The following SLC2A14 variants were observed in gnomAD, a reference collection of about 807,000 sequenced individuals.
SLC2A14 encodes the protein solute carrier family 2 member 14.
In SLC2A14, 13 loss-of-function variants were observed where a neutral mutation model predicts 43.0. The observed-to-expected ratio is 0.30, with a 90% confidence interval of 0.20 to 0.48. The LOEUF is 0.48. Among genes scored for constraint, SLC2A14 ranks in the 20% least tolerant of loss-of-function variants. SLC2A14 has a pLI of 0.99. For missense variants in SLC2A14, 428 were observed against 620.4 expected (o/e 0.69, Z 3.29); for synonymous variants, 190 against 233.8 (o/e 0.81, Z 1.71).
At chr12:7,825,534 C>A (rs1241513148) in intron 7 of SLC2A14, among the ~76,000 whole-genome samples, 1 of 143,134 alleles carries the variant, frequency 7.0e-6, no homozygotes, top group Admixed American at 7.0e-5. Context: ...GAGGCCGAGG[C>A]GGGCAGATCA....
chr12:7,832,631 A>G, intron 3 of SLC2A14, 91 bp downstream of exon 3: 1 of 1,429,034 alleles, frequency 7.0e-7, no homozygotes, highest in Non-Finnish European at 9.7e-7. Flanking sequence ...AGGTGCCACC[A>G]TGCCTGGCCT....
intron 2 of SLC2A14, among the ~76,000 whole-genome samples, chr12:7,836,366 G>C (rs758664269): frequency 6.6e-6 from 1 of 152,004 alleles, no homozygotes; most frequent in Admixed American, 6.6e-5. Flanking sequence ...GACTACAAGC[G>C]TGTGCCACCA....
chr12:7,823,208 C>A (rs1486597533), intron 7 of SLC2A14, among the ~76,000 whole-genome samples: 1 of 151,638 alleles, frequency 6.6e-6, no homozygotes, highest in Non-Finnish European at 1.5e-5. Flanking sequence ...CATGGTGAAA[C>A]CCTGTCTGTA....
At chr12:7,874,966 T>C (rs367563017), upstream of SLC2A14, among the ~76,000 whole-genome samples, 16 of 5,392 alleles carry the variant, frequency 3.0e-3, 2 homozygotes, top group South Asian at 0.018. Context: ...ATATATAAAT[T>C]ATATATAAAT....
chr12:7,876,148 GCACATGCCT>G (rs1025185072), upstream of SLC2A14, among the ~76,000 whole-genome samples: 39 of 151,862 alleles, frequency 2.6e-4, no homozygotes, highest in African/African-American at 9.2e-4. Flanking sequence ...AGGCATGCTG[GCACATGCCT>G]GTAGTCCCAG....
At chr12:7,859,436 A>G (rs1944424061) in intron 2 of SLC2A14, among the ~76,000 whole-genome samples, 1 of 152,090 alleles carries the variant, frequency 6.6e-6, no homozygotes, top group African/African-American at 2.4e-5. Flanking sequence ...AAAGGAAGTG[A>G]TAGTCAATGT....
At chr12:7,851,686 T>A (rs1167528545) in intron 2 of SLC2A14, among the ~76,000 whole-genome samples, 1 of 152,206 alleles carries the variant, frequency 6.6e-6, no homozygotes, top group African/African-American at 2.4e-5. Context: ...ATCAGAAGCA[T>A]GTGAAAACAG....
Position 7,842,284 on chromosome 12 carries a change from G to A in SLC2A14, c.19-9470C>T, listed in dbSNP as rs757280877. Reference sequence around the variant, plus strand: ...ACCACAGTTTATCCCTTCACCTACTGAAGGACATCTTGGTAAGTTTTAGCA... The same window carrying A: ...ACCACAGTTTATCCCTTCACCTACTAAAGGACATCTTGGTAAGTTTTAGCA... On this transcript the variant is annotated intron_variant, in intron 2 of 10. Coordinates refer to ENST00000431042, the MANE Select transcript of SLC2A14 (RefSeq NM_001286234.2). 1.5e-3 allele frequency among the ~76,000 whole-genome samples: 224 copies of A among 152,220 alleles called. 1 individual carries two copies. The highest frequency in any genetic ancestry group is 5.3e-3 in the African/African-American group (220 of 41,528).
intron 1 of SLC2A14, among the ~76,000 whole-genome samples, chr12:7,881,487 C>T (rs1435265971): frequency 2.6e-5 from 4 of 152,106 alleles, no homozygotes; most frequent in South Asian, 2.1e-4. Flanking sequence ...GCGCTGCACT[C>T]GATTTCTCCC....
In SLC2A14 at chr12:7,819,590, G is replaced by A; in HGVS notation, c.970-7C>T. On this transcript the variant is annotated splice_region_variant and splice_polypyrimidine_tract_variant and intron_variant, in intron 8 of 10. Transcript: ENST00000431042. ...CCCTTTCCACCAGAAATAGCTGGAAGAAGAATATGACATGAAACTTCAGTT... is the reference window on the plus strand; with the variant it reads ...CCCTTTCCACCAGAAATAGCTGGAAAAAGAATATGACATGAAACTTCAGTT... 1 of 1,597,850 alleles carries A rather than the reference G, an allele frequency of 6.3e-7. No homozygotes were observed. The highest frequency in any genetic ancestry group is 8.5e-7 in the Non-Finnish European group (1 of 1,173,724).
At chr12:7,828,591 C>A in intron 6 of SLC2A14, 113 bp downstream of exon 6, 1 of 1,161,480 alleles carries the variant, frequency 8.6e-7, no homozygotes, top group Admixed American at 2.3e-5. Context: ...ACCATCTTCA[C>A]TTGGATTCTG....
rs111745236 is a variant in SLC2A14, at chr12:7,879,652, C to G, written c.132+11344G>C. Among the ~76,000 whole-genome samples, 12 of 152,010 alleles carry G rather than the reference C, an allele frequency of 7.9e-5. 1 individual carries two copies. Among genetic ancestry groups the G allele is most frequent in the African/African-American group, 2.4e-4 (10 of 41,466 alleles). On this transcript the variant is annotated intron_variant, in intron 1 of 9. Coordinates refer to the SLC2A14 transcript ENST00000539924. The stretch of plus-strand genomic sequence containing the variant: ...TGAGCCAAGATCACGCCACTGCACT[C>G]CAGCCTGGGCAACAAGAGTGAAACT...
At chr12:7,825,888 T>A (rs755554337) in intron 7 of SLC2A14, among the ~76,000 whole-genome samples, 1 of 150,884 alleles carries the variant, frequency 6.6e-6, no homozygotes, top group African/African-American at 2.5e-5. Flanking sequence ...CACAGGTGAT[T>A]TTTTTCTGAC....
intron 2 of SLC2A14, among the ~76,000 whole-genome samples, chr12:7,833,795 A>AAG (rs60107797): frequency 0.57 from 82,925 of 145,178 alleles, 25,850 homozygotes; most frequent in Middle Eastern, 0.72. Context: ...AAAAAAAAAA[A>AAG]AGAGAGAGAG....
At chr12:7,851,253 G>T (rs1209080195) in intron 2 of SLC2A14, among the ~76,000 whole-genome samples, 1 of 152,134 alleles carries the variant, frequency 6.6e-6, no homozygotes, top group East Asian at 1.9e-4. Flanking sequence ...AAGGATACTA[G>T]CTATTTTATT....
rs1469301050 is a variant in SLC2A14, at chr12:7,885,143, T to A, written c.132+5853A>T. On this transcript the variant is annotated intron_variant, in intron 1 of 9. Coordinates refer to the SLC2A14 transcript ENST00000539924. ...CCAAAGCTGAACCATGAGTCAGAAATTTTTTTTTCCAGCACCATAGGAAAG... is the reference window on the plus strand; with the variant it reads ...CCAAAGCTGAACCATGAGTCAGAAAATTTTTTTTCCAGCACCATAGGAAAG... 2.0e-5 allele frequency among the ~76,000 whole-genome samples: 3 copies of A among 151,860 alleles called. No homozygotes were observed. The East Asian group carries it at 5.8e-4, about 29-fold the overall frequency.
At chr12:7,854,957 C>G (rs1867235410) in intron 2 of SLC2A14, among the ~76,000 whole-genome samples, 1 of 152,082 alleles carries the variant, frequency 6.6e-6, no homozygotes, top group Middle Eastern at 3.4e-3. Flanking sequence ...TAACGGGTGT[C>G]TGCCACCACG....
At chr12:7,870,327 C>A (rs1945155935) in intron 1 of SLC2A14, among the ~76,000 whole-genome samples, 1 of 152,094 alleles carries the variant, frequency 6.6e-6, no homozygotes, top group Admixed American at 6.6e-5. Flanking sequence ...ATGTGGTTTA[C>A]CTTGCCATAT....
At chr12:7,848,952 T>C (rs1866697802) in intron 2 of SLC2A14, among the ~76,000 whole-genome samples, 1 of 151,170 alleles carries the variant, frequency 6.6e-6, no homozygotes, top group Non-Finnish European at 1.5e-5. Flanking sequence ...CTTCCCGGGT[T>C]CAAGTGATTC....
Sources: allele counts gnomAD v4.1 joint callset (sites outside exome capture counted in the v4.1 genomes callset), GRCh38; gene constraint gnomAD v4.1.1; transcripts MANE v1.5; gene names NCBI Gene and HGNC (gene_info 2026-07-23, HGNC 2026-07-21).